SYNJ1: variants seen among roughly 807,000 people sequenced by gnomAD.
SYNJ1 encodes synaptojanin 1, also known as polyphosphatidylinositol phosphatase SYNJ1.
In SYNJ1, 78 loss-of-function variants were observed where a neutral mutation model predicts 168.2. That is an observed-to-expected ratio of 0.46 (90% CI 0.39 to 0.56). The LOEUF is 0.56. SYNJ1 is among the 20% of genes least tolerant of loss of function. The probability of loss-of-function intolerance (pLI) is 0.00; values close to 1 mark genes in which losing one functional copy is unlikely to be tolerated. For synonymous variants in SYNJ1, 539 were observed against 548.6 expected, an observed-to-expected ratio of 0.98 and a Z score of 0.24; for missense variants, 1,303 against 1,597.6, an observed-to-expected ratio of 0.82 and a Z score of 3.14.
At chr21:32,662,240 T>C (rs1241952404) in intron 18 of SYNJ1, among the ~76,000 whole-genome samples, 2 of 152,122 alleles carry the variant, frequency 1.3e-5, no homozygotes, top group African/African-American at 4.8e-5. Flanking sequence ...ATGAGGAGAA[T>C]CATCGTGGGA....
intron 4 of SYNJ1, 102 bp from the exon 5 acceptor site, chr21:32,695,384 T>A: frequency 2.7e-6 from 3 of 1,111,196 alleles, no homozygotes; most frequent in South Asian, 1.7e-5. Context: ...TTATTAAATT[T>A]AAAGGCACAA....
intron 14 of SYNJ1, among the ~76,000 whole-genome samples, chr21:32,672,059 C>CAAAAAAAAAAAAAAAAAAAAAAA (rs1160074724): frequency 1.8e-3 from 45 of 24,610 alleles, no homozygotes; most frequent in Admixed American, 2.3e-3. Flanking sequence ...AACTCAATCT[C>CAAAAAAAAAAAAAAAAAAAAAAA]AAAAAAAAAA....
intron 6 of SYNJ1, among the ~76,000 whole-genome samples, chr21:32,692,653 G>T (rs1334472547): frequency 6.6e-6 from 1 of 152,176 alleles, no homozygotes; most frequent in Non-Finnish European, 1.5e-5. Context: ...AAAGCACACA[G>T]GAGAAGGAAG....
chr21:32,663,831 T>A (rs1304847969), intron 18 of SYNJ1, among the ~76,000 whole-genome samples: 2 of 152,226 alleles, frequency 1.3e-5, no homozygotes, highest in African/African-American at 4.8e-5. Flanking sequence ...GGCAAGAGTC[T>A]CAGATGAGAA....
chr21:32,656,880 T>A lies in SYNJ1; in HGVS notation c.2602A>T (p.Ile868Leu). 6.2e-7 allele frequency: 1 copy of A among 1,614,156 alleles called. No homozygotes were observed. The highest frequency in any genetic ancestry group is 2.2e-5 in the East Asian group (1 of 44,874). The change falls in exon 21 of 33, where the codon ATA (isoleucine) becomes TTA (leucine). Residue 868 changes from isoleucine to leucine, a missense_variant. Around this residue, in one of 2 missense-constraint regions of SYNJ1, gnomAD observed 920 missense variants for 1,208.8 expected, o/e 0.76. Transcript: ENST00000674351. ...DHRPVVALID[I>L]DIFEVEAEER... ...TCAGCTTCAACTTCAAATATATCTA[T>A]ATCAATCAGGGCAACGACAGGCCTT...
upstream of SYNJ1, chr21:32,728,142 A>C: frequency 7.5e-7 from 1 of 1,327,028 alleles, no homozygotes; most frequent in Non-Finnish European, 9.9e-7. Flanking sequence ...TGGGCCTGGC[A>C]CCCGCGGGCG....
At chr21:32,717,780 A>C (rs1413605408) in intron 2 of SYNJ1, among the ~76,000 whole-genome samples, 1 of 152,200 alleles carries the variant, frequency 6.6e-6, no homozygotes, top group Non-Finnish European at 1.5e-5. Context: ...AGTCCTCTAC[A>C]GATCTCTGGA....
At chr21:32,702,979 C>T (rs1405898867) in intron 2 of SYNJ1, among the ~76,000 whole-genome samples, 2 of 152,256 alleles carry the variant, frequency 1.3e-5, no homozygotes, top group African/African-American at 4.8e-5. Context: ...CAGCCTACTG[C>T]TTTGCCTAAT....
At chr21:32,728,340 C>T (rs530673771), upstream of SYNJ1, 229 of 312,970 alleles carry the variant, frequency 7.3e-4, 1 homozygote, top group African/African-American at 4.7e-3. Context: ...TATTGCTGCT[C>T]CCCAAGCTGG....
rs939655575 is a variant in SYNJ1 at position 32,656,797 on chromosome 21, T to C, written c.2685A>G (p.Thr895=). 2.5e-6 allele frequency: 4 copies of C among 1,614,070 alleles called. No homozygotes were observed. In the African/African-American group the frequency reaches 5.3e-5, roughly 22 times the overall value. ...VIAVQGPPDG[T]VLVSIKSSLP... is the part of the protein sequence containing the mutation. ...AAGAACTTTTGATTGAGACCAATAC[T>C]GTACCATCTGGTGGACCCTGAACTG... The change falls in exon 21 of 33, where the codon ACA becomes ACG. Residue 895 remains threonine, a synonymous_variant. Transcript: ENST00000674351.
At chr21:32,676,618 T>C (rs996020106) in intron 12 of SYNJ1, among the ~76,000 whole-genome samples, 4 of 152,234 alleles carry the variant, frequency 2.6e-5, no homozygotes, top group South Asian at 4.1e-4. Flanking sequence ...CCTGCGCTTC[T>C]GGCTGCTCCT....
intron 19 of SYNJ1, 36 bp from the exon 20 acceptor site, chr21:32,657,156 G>T: frequency 7.3e-7 from 1 of 1,379,010 alleles, no homozygotes; most frequent in Middle Eastern, 1.8e-4. Flanking sequence ...AAGAGAAGCT[G>T]TATAAGCAGG....
At chr21:32,683,983 A>C (rs75924460) in intron 10 of SYNJ1, 55 bp downstream of exon 10, 5 of 1,461,488 alleles carry the variant, frequency 3.4e-6, no homozygotes, top group Non-Finnish European at 4.8e-6. Context: ...GTATTCAAAA[A>C]GCACTTAAAG....
At chr21:32,707,591 C>T (rs954451634) in intron 2 of SYNJ1, among the ~76,000 whole-genome samples, 3 of 152,086 alleles carry the variant, frequency 2.0e-5, no homozygotes, top group African/African-American at 4.8e-5. Context: ...GCCTTGGCCT[C>T]GCAAAGTACT....
chr21:32,704,871 C>T (rs535392448), intron 2 of SYNJ1, among the ~76,000 whole-genome samples: 46 of 151,972 alleles, frequency 3.0e-4, no homozygotes, highest in Non-Finnish European at 2.9e-4. Flanking sequence ...GTTACCAGGC[C>T]GGGTATGGTG....
At chr21:32,706,542 T>C (rs578086565) in intron 2 of SYNJ1, among the ~76,000 whole-genome samples, 10 of 151,822 alleles carry the variant, frequency 6.6e-5, no homozygotes, top group Admixed American at 5.2e-4. Context: ...TTATTTGTAC[T>C]ATACTTCAAC....
intron 2 of SYNJ1, among the ~76,000 whole-genome samples, chr21:32,720,783 G>A (rs567705287): frequency 5.3e-5 from 8 of 152,270 alleles, no homozygotes; most frequent in South Asian, 2.1e-4. Flanking sequence ...CATCTTTTAC[G>A]TAGAGGTCCA....
chr21:32,649,517 C>T (rs1478831089), intron 23 of SYNJ1, among the ~76,000 whole-genome samples: 1 of 152,170 alleles, frequency 6.6e-6, no homozygotes, highest in Non-Finnish European at 1.5e-5. Context: ...AGGAAATTTT[C>T]GGCGTAATTA....
Position 32,641,526 on chromosome 21 carries a change from T to C in SYNJ1, c.3588+370A>G, listed in dbSNP as rs954111549. ...CTATACTGAATTTATCATTTTTTTT[T>C]CTGAAATGTAATTAAAATCCTTTTT... On this transcript the variant is annotated intron_variant, in intron 29 of 32. Coordinates refer to ENST00000674351, the MANE Select transcript of SYNJ1 (RefSeq NM_203446.3). 2.6e-5 allele frequency among the ~76,000 whole-genome samples: 4 copies of C among 152,168 alleles called. No individual in the cohort carries two copies. The East Asian group carries it at 5.8e-4, about 22-fold the overall frequency.
Sources: allele counts gnomAD v4.1 joint callset (sites outside exome capture counted in the v4.1 genomes callset), GRCh38; gene constraint gnomAD v4.1.1; regional missense constraint gnomAD v4.1.1; transcripts MANE v1.5; gene names NCBI Gene and HGNC (gene_info 2026-07-23, HGNC 2026-07-21).